ST3GAL5: variants seen among roughly 807,000 people sequenced by gnomAD.
ST3GAL5 encodes the protein ST3 beta-galactoside alpha-2,3-sialyltransferase 5, also known as lactosylceramide alpha-2,3-sialyltransferase.
Under a neutral mutation model 46.1 loss-of-function variants are expected in ST3GAL5, and 25 were observed. That is an observed-to-expected ratio of 0.54 (90% CI 0.40 to 0.76). The LOEUF is 0.76. ST3GAL5 is among the 30% of genes least tolerant of loss of function. The probability of loss-of-function intolerance (pLI) is 0.00; values close to 1 mark genes in which losing one functional copy is unlikely to be tolerated. For synonymous variants in ST3GAL5, 182 were observed against 192.7 expected, an observed-to-expected ratio of 0.94 and a Z score of 0.46; for missense variants, 431 against 521.2, an observed-to-expected ratio of 0.83 and a Z score of 1.69.
chr2:85,878,236 G>T (rs1035195555), intron 1 of ST3GAL5, among the ~76,000 whole-genome samples: 1 of 152,178 alleles, frequency 6.6e-6, no homozygotes, highest in African/African-American at 2.4e-5. Flanking sequence ...ACCCTGTTAG[G>T]ACACAAGTAG....
intron 1 of ST3GAL5, among the ~76,000 whole-genome samples, chr2:85,873,803 C>T (rs1331300830): frequency 6.6e-6 from 1 of 152,172 alleles, no homozygotes; most frequent in Non-Finnish European, 1.5e-5. Flanking sequence ...AACAAAAAAA[C>T]AACCACTGGA....
rs1686926710 is a variant in ST3GAL5 at position 85,879,495 on chromosome 2, G to T, written c.82+9329C>A. On this transcript the variant is annotated intron_variant, in intron 1 of 6. Transcript: ENST00000638572. ...ACACTAGGGGTAAACTGAAGAAATT[G>T]CCCCTAGAACTGCCCCTCCCCCTGG... Among the ~76,000 whole-genome samples the T allele has an allele frequency of 2.0e-5, 3 of 152,144 alleles. 1 individual carries two copies. Among genetic ancestry groups the T allele is most frequent in the African/African-American group, 7.2e-5 (3 of 41,428 alleles).
intron 1 of ST3GAL5, among the ~76,000 whole-genome samples, chr2:85,873,552 C>G (rs1364676769): frequency 1.3e-5 from 2 of 151,936 alleles, no homozygotes; most frequent in Non-Finnish European, 2.9e-5. Flanking sequence ...TGGGATGGAT[C>G]AGATGAGGCG....
intron 1 of ST3GAL5, among the ~76,000 whole-genome samples, chr2:85,876,763 C>T (rs897470234): frequency 3.9e-5 from 6 of 152,062 alleles, no homozygotes; most frequent in Non-Finnish European, 7.4e-5. Flanking sequence ...CGACCCTCTA[C>T]ACTGTTTCCT....
chr2:85,856,809 ATCCT>A (rs1684161545), intron 3 of ST3GAL5, among the ~76,000 whole-genome samples: 3 of 151,486 alleles, frequency 2.0e-5, no homozygotes, highest in African/African-American at 7.3e-5. Context: ...GCCTCAAATG[ATCCT>A]TCCTGCCTCG....
At chr2:85,856,906 T>G (rs1370921033) in intron 3 of ST3GAL5, among the ~76,000 whole-genome samples, 1 of 150,026 alleles carries the variant, frequency 6.7e-6, no homozygotes, top group Non-Finnish European at 1.5e-5. Context: ...CTATGTGGTG[T>G]GTTAATTATA....
At position 85,847,875 on chromosome 2, in the gene ST3GAL5, G is replaced by A. The variant is rs149309844; in HGVS notation, c.648C>T (p.Phe216=). Residue 216 remains phenylalanine, a synonymous_variant, in exon 4 of 7, where the codon TTC becomes TTT. Transcript: ENST00000638572. ...AACCAATGTACCTTATCACAACATC[G>A]AACTGGTTCAGGGTGTGGCCCAGTT... ...GLELGHTLNQ[F]DVVIRLNSAP... The A allele has an allele frequency of 4.1e-3, 6,550 of 1,613,822 alleles. 19 individuals carry two copies. The highest frequency in any genetic ancestry group is 5.0e-3 in the Admixed American group (302 of 60,006).
chr2:85,875,605 T>C (rs1023993050), intron 1 of ST3GAL5: 4 of 152,112 alleles, frequency 2.6e-5, no homozygotes, highest in Admixed American at 2.6e-4. Flanking sequence ...GATGCTAATA[T>C]GTTATAGCCA....
In ST3GAL5 at chr2:85,861,820, T is replaced by TACAC. The variant is rs148873510; in HGVS notation, c.207-532_207-529dup. ...AAATTCACACTATTATATAGTTTAA[T>TACAC]ACACACACACACACACACACACGAC... On this transcript the variant is annotated intron_variant, in intron 2 of 6. Coordinates refer to ENST00000638572, the MANE Select transcript of ST3GAL5 (RefSeq NM_003896.4). Among the ~76,000 whole-genome samples, 909 of 149,644 alleles carry TACAC rather than the reference T, an allele frequency of 6.1e-3. 19 individuals carry two copies. The highest frequency in any genetic ancestry group is 0.021 in the African/African-American group (858 of 40,826).
At chr2:85,864,055 TA>T (rs1414654031) in intron 1 of ST3GAL5, among the ~76,000 whole-genome samples, 2 of 152,106 alleles carry the variant, frequency 1.3e-5, no homozygotes, top group Non-Finnish European at 2.9e-5. Flanking sequence ...GAGAACAGAC[TA>T]GTGAGTGTCA....
chr2:85,883,456 A>G (rs1687408574), intron 1 of ST3GAL5, among the ~76,000 whole-genome samples: 1 of 152,190 alleles, frequency 6.6e-6, no homozygotes, highest in South Asian at 2.1e-4. Context: ...TAAATTGCCC[A>G]GTCTGGGGTA....
At chr2:85,860,693 C>A (rs1684615294) in intron 3 of ST3GAL5, among the ~76,000 whole-genome samples, 1 of 151,874 alleles carries the variant, frequency 6.6e-6, no homozygotes, top group South Asian at 2.1e-4. Context: ...GGCAACATGG[C>A]AAGACCCCAT....
intron 1 of ST3GAL5, among the ~76,000 whole-genome samples, chr2:85,864,310 T>C (rs1685048063): frequency 6.6e-6 from 1 of 152,172 alleles, no homozygotes; most frequent in African/African-American, 2.4e-5. Context: ...TAAAGTTTAT[T>C]TTTTTTAAAA....
intron 6 of ST3GAL5, 96 bp from the exon 7 acceptor site, chr2:85,840,488 C>G (rs1681897437): frequency 7.4e-7 from 1 of 1,360,158 alleles, no homozygotes; most frequent in South Asian, 1.2e-5. Flanking sequence ...GTCATGAAAG[C>G]TACATTGGGG....
chr2:85,852,863 T>C, intron 3 of ST3GAL5: 1 of 1,303,974 alleles, frequency 7.7e-7, no homozygotes, highest in African/African-American at 1.5e-5. Context: ...TTCTTACCTC[T>C]AAGATATCCC....
At chr2:85,846,209 A>G in intron 5 of ST3GAL5, 168 bp downstream of exon 5, 1 of 681,846 alleles carries the variant, frequency 1.5e-6, no homozygotes, top group Non-Finnish European at 2.5e-6. Context: ...ATCCCCAAAA[A>G]AAAGAATTGC....
At chr2:85,853,030 A>T in intron 3 of ST3GAL5, 1 of 1,304,250 alleles carries the variant, frequency 7.7e-7, no homozygotes. Flanking sequence ...ACGATGAAGA[A>T]GCGGCTGAGT....
rs1350089366 is a variant in ST3GAL5 at position 85,888,814 on chromosome 2, C to A, written c.82+10G>T. On this transcript the variant is annotated intron_variant, in intron 1 of 6. Coordinates refer to ENST00000638572, the MANE Select transcript of ST3GAL5 (RefSeq NM_003896.4). Reference sequence around the variant, plus strand: ...CCCCGCGACGCCGAGGAGGGGGCTGCGCCACGTACCTCGGCCGGCAGGTGC... The same window carrying A: ...CCCCGCGACGCCGAGGAGGGGGCTGAGCCACGTACCTCGGCCGGCAGGTGC... 1 of 1,238,898 alleles carries A rather than the reference C, an allele frequency of 8.1e-7. No homozygotes were observed. The highest frequency in any genetic ancestry group is 1.0e-6 in the Non-Finnish European group (1 of 993,190). 76.7% of individuals were successfully genotyped at this position (1,238,898 alleles called of 1,614,324 possible). A position where few individuals can be genotyped will look rare whatever the true frequency, so the allele number is the denominator to read the frequency against.
chr2:85,869,188 T>C (rs56049132), intron 1 of ST3GAL5, among the ~76,000 whole-genome samples: 26,851 of 152,078 alleles, frequency 0.18, 2,818 homozygotes, highest in South Asian at 0.34. Flanking sequence ...TAGCTGGAAC[T>C]ATAGGCATGT....
Sources: allele counts gnomAD v4.1 joint callset (sites outside exome capture counted in the v4.1 genomes callset), GRCh38; gene constraint gnomAD v4.1.1; transcripts MANE v1.5; gene names NCBI Gene and HGNC (gene_info 2026-07-23, HGNC 2026-07-21).